PLXDC2: variants seen among roughly 807,000 people sequenced by gnomAD.
The protein encoded by PLXDC2 is plexin domain-containing protein 2.
Under a neutral mutation model 68.9 loss-of-function variants are expected in PLXDC2, and 40 were observed. That is an observed-to-expected ratio of 0.58 (90% CI 0.45 to 0.76). The LOEUF (loss-of-function observed/expected upper bound fraction) is 0.76, where lower values mean the gene tolerates loss of function less well. Ranked by LOEUF, PLXDC2 falls within the 30% of genes least tolerant of loss-of-function variation. The pLI, the probability that PLXDC2 is intolerant of heterozygous loss-of-function variation, is 0.00. For synonymous variants in PLXDC2, 243 were observed against 234.2 expected, an observed-to-expected ratio of 1.04 and a Z score of -0.34; for missense variants, 644 against 661.9, an observed-to-expected ratio of 0.97 and a Z score of 0.30.
chr10:19,941,104 CTG>C (rs904498583), intron 1 of PLXDC2, among the ~76,000 whole-genome samples: 4 of 152,210 alleles, frequency 2.6e-5, no homozygotes, highest in African/African-American at 9.6e-5. Context: ...TCCCATGCCT[CTG>C]TTTCATTTTA....
At chr10:20,065,406 G>A (rs1352521886) in intron 3 of PLXDC2, among the ~76,000 whole-genome samples, 3 of 152,104 alleles carry the variant, frequency 2.0e-5, no homozygotes, top group Non-Finnish European at 4.4e-5. Context: ...TTCAAGTGGG[G>A]GAGTGATATG....
intron 2 of PLXDC2, among the ~76,000 whole-genome samples, chr10:20,034,696 A>G (rs1835550476): frequency 6.6e-6 from 1 of 152,344 alleles, no homozygotes; most frequent in African/African-American, 2.4e-5. Context: ...GTTTATAATC[A>G]TGTGATACAT....
At chr10:20,254,937 T>C (rs899600029) in intron 13 of PLXDC2, among the ~76,000 whole-genome samples, 1 of 152,230 alleles carries the variant, frequency 6.6e-6, no homozygotes, top group African/African-American at 2.4e-5. Context: ...ATTTCTTTTA[T>C]AAATGACATC....
chr10:19,982,569 T>C (rs1834569475), intron 1 of PLXDC2, among the ~76,000 whole-genome samples: 1 of 152,162 alleles, frequency 6.6e-6, no homozygotes, highest in Non-Finnish European at 1.5e-5. Context: ...TTATACAGGA[T>C]CGGTAGGTGA....
At chr10:20,149,214 C>CTTTTTTTTTTTTTTT (rs71200985) in intron 6 of PLXDC2, among the ~76,000 whole-genome samples, 1 of 112,386 alleles carries the variant, frequency 8.9e-6, no homozygotes. Flanking sequence ...ATTTTTCTTT[C>CTTTTTTTTTTTTTTT]TTTTTTTTTC....
intron 2 of PLXDC2, among the ~76,000 whole-genome samples, chr10:20,044,211 G>GTCTTTCTTTCTTTCTTTCTTTCCTTTCTT (rs1835743318): frequency 1.5e-5 from 1 of 68,548 alleles, no homozygotes; most frequent in African/African-American, 5.1e-5. Context: ...CTCTCTCTCT[G>GTCTTTCTTTCTTTCTTTCTTTCCTTTCTT]TCTTTCTTTC....
In PLXDC2 at chr10:20,238,675, A is replaced by ATG. The variant is rs1564363468; in HGVS notation, c.1313-6668_1313-6667dup. On this transcript the variant is annotated intron_variant, in intron 12 of 13. Coordinates refer to ENST00000377252, the MANE Select transcript of PLXDC2 (RefSeq NM_032812.9). Reference sequence around the variant, plus strand: ...CATCTCAAAAAAAATATATATATATATGTATATATATATATATACACACAT... The same window carrying ATG: ...CATCTCAAAAAAAATATATATATATATGTGTATATATATATATATACACACAT... Among the ~76,000 whole-genome samples the ATG allele has an allele frequency of 8.5e-5, 11 of 128,754 alleles. 1 individual carries two copies. Among genetic ancestry groups the ATG allele is most frequent in the African/African-American group, 3.5e-4 (11 of 31,006 alleles). The allele number at this position is 128,754 out of a possible 152,430, so 84.5% of individuals were successfully genotyped here.
chr10:19,951,050 G>A (rs1316197602), intron 1 of PLXDC2, among the ~76,000 whole-genome samples: 1 of 152,122 alleles, frequency 6.6e-6, no homozygotes, highest in African/African-American at 2.4e-5. Flanking sequence ...AATCCTAGAA[G>A]AAAACCTAGG....
At chr10:19,969,953 A>G (rs1233913179) in intron 1 of PLXDC2, among the ~76,000 whole-genome samples, 1 of 152,194 alleles carries the variant, frequency 6.6e-6, no homozygotes, top group Non-Finnish European at 1.5e-5. Context: ...CTCCATAGTG[A>G]CACAGAGAAC....
At chr10:20,094,827 A>T (rs1343987498) in intron 4 of PLXDC2, among the ~76,000 whole-genome samples, 2 of 152,210 alleles carry the variant, frequency 1.3e-5, no homozygotes, top group African/African-American at 4.8e-5. Flanking sequence ...GACTCATGTC[A>T]TGCTAACGAA....
intron 3 of PLXDC2, among the ~76,000 whole-genome samples, chr10:20,064,279 G>A (rs1259236866): frequency 6.7e-6 from 1 of 149,220 alleles, no homozygotes; most frequent in Non-Finnish European, 1.5e-5. Context: ...GGAGTGCAGT[G>A]GTGTGATCTT....
chr10:19,832,467 G>A (rs1376707253), intron 1 of PLXDC2, among the ~76,000 whole-genome samples: 1 of 152,168 alleles, frequency 6.6e-6, no homozygotes, highest in African/African-American at 2.4e-5. Flanking sequence ...ACATAAGTTG[G>A]AGATGATACA....
intron 13 of PLXDC2, among the ~76,000 whole-genome samples, chr10:20,263,162 G>T (rs760355701): frequency 2.6e-5 from 4 of 152,092 alleles, no homozygotes; most frequent in African/African-American, 9.7e-5. Context: ...AAATAGGCAC[G>T]CAGACCAATG....
chr10:20,027,971 C>A (rs1345451180), intron 2 of PLXDC2, among the ~76,000 whole-genome samples: 2 of 152,180 alleles, frequency 1.3e-5, no homozygotes, highest in Non-Finnish European at 2.9e-5. Flanking sequence ...GGAACATAAA[C>A]CTTGCTGTAC....
chr10:20,239,967 G>A (rs1835493124), intron 12 of PLXDC2, among the ~76,000 whole-genome samples: 1 of 152,154 alleles, frequency 6.6e-6, no homozygotes, highest in Non-Finnish European at 1.5e-5. Flanking sequence ...GGGTACCTGT[G>A]TAGGTTTGTT....
intron 13 of PLXDC2, among the ~76,000 whole-genome samples, chr10:20,273,496 G>A (rs1284106194): frequency 1.3e-5 from 2 of 151,978 alleles, no homozygotes; most frequent in African/African-American, 4.8e-5. Context: ...TATGACATCC[G>A]ACTTCTAGGA....
At chr10:20,192,897 A>T (rs996476468) in intron 9 of PLXDC2, among the ~76,000 whole-genome samples, 1 of 152,106 alleles carries the variant, frequency 6.6e-6, no homozygotes, top group African/African-American at 2.4e-5. Flanking sequence ...CACAGAATCT[A>T]TAAAGAGACC....
At chr10:20,194,702 T>G (rs1589674918) in intron 9 of PLXDC2, among the ~76,000 whole-genome samples, 1 of 152,014 alleles carries the variant, frequency 6.6e-6, no homozygotes, top group Non-Finnish European at 1.5e-5. Context: ...TTGTTACATA[T>G]GTATACATGT....
chr10:19,879,923 A>G (rs1351180497), intron 1 of PLXDC2, among the ~76,000 whole-genome samples: 1 of 152,188 alleles, frequency 6.6e-6, no homozygotes, highest in Non-Finnish European at 1.5e-5. Context: ...GAGAAAAAAT[A>G]TTATGGTGAG....
Sources: gnomAD v4.1 joint callset for allele counts (sites outside exome capture counted in the v4.1 genomes callset) on GRCh38, gnomAD v4.1.1 for gene constraint, MANE v1.5 for transcripts, NCBI Gene and HGNC (gene_info 2026-07-23, HGNC 2026-07-21) for gene names.